The following ZNF888 variants were observed in gnomAD, a reference collection of about 807,000 sequenced individuals.
The protein encoded by ZNF888 is zinc finger protein 888.
In ZNF888, 5 loss-of-function variants were observed where a neutral mutation model predicts 7.2. The observed-to-expected ratio is 0.70, with a 90% CI of 0.36 to 1.46. The LOEUF (loss-of-function observed/expected upper bound fraction) is 1.46. Among genes scored for constraint, ZNF888 ranks in the 40% most tolerant of loss-of-function variants. The pLI, the probability that ZNF888 is intolerant of heterozygous loss-of-function variation, is 0.03. For synonymous variants in ZNF888, 240 were observed against 284.3 expected (o/e 0.84, Z 1.57); for missense variants, 716 against 858.0 (o/e 0.83, Z 2.07).
At chr19:52,919,343 T>TA (rs2064794415) in intron 1 of ZNF888, among the ~76,000 whole-genome samples, 1 of 65,236 alleles carries the variant, frequency 1.5e-5, no homozygotes, top group African/African-American at 4.8e-5. Flanking sequence ...GGTTTTCATG[T>TA]TTTTTTTGGT....
Position 52,905,933 on chromosome 19 carries a change from T to C in ZNF888, c.*232A>G. ...CATCACACTTGTGAGGTTTCTCTCCTGTATGAATTCTCCTGTTTTGCATAG... is the reference window on the plus strand; with the variant it reads ...CATCACACTTGTGAGGTTTCTCTCCCGTATGAATTCTCCTGTTTTGCATAG... On this transcript the variant is annotated 3_prime_UTR_variant, in exon 5 of 5. Transcript: ENST00000638862. 1.2e-6 allele frequency: 1 copy of C among 810,634 alleles called. No individual in the cohort carries two copies. Among genetic ancestry groups the C allele is most frequent in the Non-Finnish European group, 2.2e-6 (1 of 461,138 alleles). 50.2% of individuals were successfully genotyped at this position (810,634 alleles called of 1,614,324 possible). A position where few individuals can be genotyped will look rare whatever the true frequency, so the allele number is the denominator to read the frequency against.
intron 3 of ZNF888, among the ~76,000 whole-genome samples, chr19:52,915,718 G>T (rs2064738110): frequency 6.6e-6 from 1 of 151,982 alleles, no homozygotes; most frequent in African/African-American, 2.4e-5. Context: ...CTCGTGATCT[G>T]CCCACCTCGG....
At position 52,904,953 on chromosome 19, in the gene ZNF888, T is replaced by TA. The variant is rs2064590025; in HGVS notation, c.*1211_*1212insT. 1 of 152,512 alleles carries TA rather than the reference T, an allele frequency of 6.6e-6. No individual in the cohort carries two copies. Among genetic ancestry groups the TA allele is most frequent in the African/African-American group, 2.4e-5 (1 of 41,412 alleles). The allele number at this position is 152,512 out of a possible 1,614,324, so 9.4% of individuals were successfully genotyped here. A position where few individuals can be genotyped will look rare whatever the true frequency, so the allele number is the denominator to read the frequency against. On this transcript the variant is annotated 3_prime_UTR_variant, in exon 5 of 5. Coordinates refer to ENST00000638862, the MANE Select transcript of ZNF888 (RefSeq NM_001393938.1). Reference sequence around the variant, plus strand: ...ACAATAAACAATTTTAAAAGAAAATTTAAAAACACTTCCATTTGCTAGAGA... The same window carrying TA: ...ACAATAAACAATTTTAAAAGAAAATTATAAAAACACTTCCATTTGCTAGAGA...
Position 52,906,880 on chromosome 19 carries a change from A to T in ZNF888, c.1442T>A (p.Leu481His). 6.2e-7 allele frequency: 1 copy of T among 1,612,012 alleles called. No individual in the cohort carries two copies. Among genetic ancestry groups the T allele is most frequent in the Non-Finnish European group, 8.5e-7 (1 of 1,179,570 alleles). The change falls in exon 5 of 5, where the codon CTT becomes CAT. Residue 481 changes from leucine (L) to histidine (H), a missense_variant. Transcript: ENST00000638862. The part of the protein sequence containing the change: ...CDKVFSRKSH[L>H]ERHRRIHTGE... ...AGTGTGAATTCTCCTATGTCTTTCAAGGTGTGATTTGCGACTGAAAACTTT... is the reference window on the plus strand; with the variant it reads ...AGTGTGAATTCTCCTATGTCTTTCATGGTGTGATTTGCGACTGAAAACTTT...
In ZNF888 at chr19:52,906,166, T is replaced by C. The variant is rs1600673983; in HGVS notation, c.2156A>G (p.Ter719=). 1 of 1,612,618 alleles carries C rather than the reference T, an allele frequency of 6.2e-7. No individual in the cohort carries two copies. Residue 719 remains the stop codon, a stop_retained_variant, in exon 5 of 5, where the codon TAA becomes TGA. Coordinates refer to ENST00000638862, the MANE Select transcript of ZNF888 (RefSeq NM_001393938.1). ...GAAGACTTGGTGACAATCATTACAT[T>C]AGTCAAGTTTCCCTACACCATGGAT... ...QAIHGVGKLD[*] is the part of the protein sequence containing the mutation.
At chr19:52,917,623 G>T (rs1424526974) in intron 3 of ZNF888, among the ~76,000 whole-genome samples, 1 of 152,090 alleles carries the variant, frequency 6.6e-6, no homozygotes. Flanking sequence ...CTCCATCCAT[G>T]TCTGTGTGTG....
chr19:52,905,548 C>G lies in ZNF888; in HGVS notation c.*617G>C, dbSNP rs1300299176. ...CACACTAGTCTCAAACTCCTGACCT[C>G]AAGAGATCCACCCACCTTGGCCTCC... is the stretch of plus-strand genomic sequence containing the variant. On this transcript the variant is annotated 3_prime_UTR_variant, in exon 5 of 5. Transcript: ENST00000638862. 8.6e-6 allele frequency: 2 copies of G among 232,994 alleles called. No homozygotes were observed. Among genetic ancestry groups the G allele is most frequent in the Non-Finnish European group, 1.8e-5 (2 of 113,296 alleles). The allele number at this position is 232,994 out of a possible 1,614,324, so 14.4% of individuals were successfully genotyped here.
intron 4 of ZNF888, among the ~76,000 whole-genome samples, chr19:52,913,190 A>T (rs550938482): frequency 6.6e-6 from 1 of 152,158 alleles, no homozygotes; most frequent in South Asian, 2.1e-4. Context: ...AACTTTTTTC[A>T]TATTATTTAA....
chr19:52,914,269 C>G (rs931594233), intron 4 of ZNF888: 14 of 808,504 alleles, frequency 1.7e-5, no homozygotes, highest in Admixed American at 6.2e-5. Context: ...AGCTTCCACT[C>G]TGCCCATCTG....
rs1317718135 is a variant in ZNF888 at position 52,919,324 on chromosome 19, C to T, written c.-177-387G>A. On this transcript the variant is annotated intron_variant, in intron 1 of 4. Coordinates refer to ENST00000638862, the MANE Select transcript of ZNF888 (RefSeq NM_001393938.1). ...CTGCGATTGCGGGCGCGCGCCGCCA[C>T]GCCTGACTGGTTTTCATGTTTTTTT... is the stretch of plus-strand genomic sequence containing the variant. 4.7e-5 allele frequency among the ~76,000 whole-genome samples: 3 copies of T among 64,060 alleles called. 1 individual carries two copies. The highest frequency in any genetic ancestry group is 5.1e-4 in the South Asian group (1 of 1,946). The allele number at this position is 64,060 out of a possible 152,430, so 42.0% of individuals were successfully genotyped here.
chr19:52,908,080 A>T lies in ZNF888; in HGVS notation c.242T>A (p.Ile81Asn). 2 of 1,614,148 alleles carry T rather than the reference A, an allele frequency of 1.2e-6. No individual in the cohort carries two copies. The stretch of plus-strand genomic sequence containing the variant: ...AATTTCCTGGAAGCAACATTCTCCA[A>T]TGTGATGACTTGCCAGTCTTTGCAA... ...GTLQRLASHH[I>N]GECCFQEIEK... is the part of the protein sequence containing the mutation. Residue 81 changes from isoleucine (I) to asparagine (N), a missense_variant, in exon 5 of 5, where the codon ATT becomes AAT. Around this residue, in one of 2 missense-constraint regions of ZNF888, gnomAD observed 697 missense variants for 803.4 expected, o/e 0.87. Transcript: ENST00000638862.
chr19:52,921,673 G>A, intron 1 of ZNF888: 1 of 984,508 alleles, frequency 1.0e-6, no homozygotes, highest in Non-Finnish European at 1.2e-6. Context: ...CACAGCTATT[G>A]ACCTTGAAAA....
chr19:52,918,192 C>T, intron 2 of ZNF888: 1 of 985,398 alleles, frequency 1.0e-6, no homozygotes, highest in Non-Finnish European at 1.2e-6. Context: ...CCAGACCTGA[C>T]CAAACCACTT....
intron 2 of ZNF888, among the ~76,000 whole-genome samples, chr19:52,918,512 G>A (rs2064776101): frequency 6.6e-6 from 1 of 152,118 alleles, no homozygotes; most frequent in African/African-American, 2.4e-5. Flanking sequence ...GCTGAAGCCT[G>A]TAATACTAGC....
At chr19:52,916,733 G>C (rs926916467) in intron 3 of ZNF888, among the ~76,000 whole-genome samples, 1 of 151,442 alleles carries the variant, frequency 6.6e-6, no homozygotes, top group East Asian at 1.9e-4. Context: ...CTGGGGGCTG[G>C]GGGGAATCTT....
At chr19:52,922,310 C>A (rs10418884) in intron 1 of ZNF888, among the ~76,000 whole-genome samples, 1 of 151,792 alleles carries the variant, frequency 6.6e-6, no homozygotes, top group Admixed American at 6.6e-5. Flanking sequence ...CCCCGTTATA[C>A]CCCCCTGGCC....
chr19:52,916,773 A>G (rs2064756715), intron 3 of ZNF888, among the ~76,000 whole-genome samples: 1 of 151,906 alleles, frequency 6.6e-6, no homozygotes, highest in Non-Finnish European at 1.5e-5. Flanking sequence ...GAAATGCCCC[A>G]TCCTAGAGGA....
In ZNF888 at chr19:52,905,934, G is replaced by A. The variant is rs139521966; in HGVS notation, c.*231C>T. 172 of 816,730 alleles carry A rather than the reference G, an allele frequency of 2.1e-4. 3 individuals carry two copies. In the East Asian group the frequency reaches 3.3e-3, roughly 16 times the overall value. 50.6% of individuals were successfully genotyped at this position (816,730 alleles called of 1,614,324 possible). On this transcript the variant is annotated 3_prime_UTR_variant, in exon 5 of 5. Transcript: ENST00000638862. ...ATCACACTTGTGAGGTTTCTCTCCT[G>A]TATGAATTCTCCTGTTTTGCATAGG...
In ZNF888 at chr19:52,907,956, T is replaced by C; in HGVS notation, c.366A>G (p.Thr122=). 6.2e-7 allele frequency: 1 copy of C among 1,614,158 alleles called. No homozygotes were observed. Among genetic ancestry groups the C allele is most frequent in the Non-Finnish European group, 8.5e-7 (1 of 1,180,028 alleles). Residue 122 remains threonine, a synonymous_variant, in exon 5 of 5, where the codon ACA becomes ACG. Transcript: ENST00000638862. The part of the protein sequence containing the change: ...MTEIKELTGS[T]DQYDQRHAGN... ...CAGCATGCCTTTGATCATATTGGTCTGTACTACCCGTCAACTCTTTGATTT... is the reference window on the plus strand; with the variant it reads ...CAGCATGCCTTTGATCATATTGGTCCGTACTACCCGTCAACTCTTTGATTT...
Sources: gnomAD v4.1 joint callset for allele counts (sites outside exome capture counted in the v4.1 genomes callset) on GRCh38, gnomAD v4.1.1 for gene constraint, gnomAD v4.1.1 regional missense constraint, MANE v1.5 for transcripts, NCBI Gene and HGNC (gene_info 2026-07-23, HGNC 2026-07-21) for gene names.